Variants in NLN observed in about 807,000 individuals in gnomAD.
NLN encodes the protein neurolysin, mitochondrial.
In NLN, 64 loss-of-function variants were observed where a neutral mutation model predicts 79.9. The ratio of observed to expected loss-of-function variants is 0.80; its 90% CI spans 0.65 to 0.99. NLN has a LOEUF of 0.99. Among genes scored for constraint, NLN ranks in the 50% least tolerant of loss-of-function variants. The pLI is 0.00. For synonymous variants in NLN, 267 were observed against 296.6 expected (o/e 0.90, Z 1.02); for missense variants, 835 against 858.7 (o/e 0.97, Z 0.34).
chr5:65,810,135 T>C lies in NLN; in HGVS notation c.1813T>C (p.Ser605Pro), dbSNP rs1223618295. 25 of 1,613,940 alleles carry C rather than the reference T, an allele frequency of 1.5e-5. No homozygotes were observed. Among genetic ancestry groups the C allele is most frequent in the Non-Finnish European group, 2.0e-5 (24 of 1,179,820 alleles). Residue 605 changes from serine (S) to proline (P), a missense_variant, in exon 11 of 13, where the codon TCA becomes CCA. Transcript: ENST00000380985. ...DAASEYAKYC[S>P]EILGVAATPG... ...TGCAAGTGAATATGCCAAATACTGC[T>C]CAGAAATATTAGGAGTTGCAGCTAC... is the stretch of plus-strand genomic sequence containing the variant.
chr5:65,800,763 C>A (rs939390650), intron 9 of NLN, among the ~76,000 whole-genome samples: 11 of 151,840 alleles, frequency 7.2e-5, no homozygotes, highest in Non-Finnish European at 1.3e-4. Flanking sequence ...TGGCTCACTG[C>A]AGCCTCAGCC....
Position 65,782,496 on chromosome 5 carries a change from T to C in NLN, c.822+1075T>C, listed in dbSNP as rs1197188719. Reference sequence around the variant, plus strand: ...ACTTGCCAAATCTTATATACTGTCTTCTGAATTTATCCATCTCACTCTTCC... The same window carrying C: ...ACTTGCCAAATCTTATATACTGTCTCCTGAATTTATCCATCTCACTCTTCC... On this transcript the variant is annotated intron_variant, in intron 6 of 12. Transcript: ENST00000380985. 2.6e-5 allele frequency among the ~76,000 whole-genome samples: 4 copies of C among 152,228 alleles called. No individual in the cohort carries two copies. In the South Asian group the frequency reaches 8.3e-4, roughly 32 times the overall value.
At chr5:65,779,041 G>A (rs572411949) in intron 4 of NLN, among the ~76,000 whole-genome samples, 1 of 152,268 alleles carries the variant, frequency 6.6e-6, no homozygotes, top group South Asian at 2.1e-4. Context: ...TGAACTACAT[G>A]GGCGCTGCAA....
chr5:65,726,589 T>C (rs1049407792), intron 1 of NLN, among the ~76,000 whole-genome samples: 5 of 152,206 alleles, frequency 3.3e-5, no homozygotes, highest in African/African-American at 1.2e-4. Flanking sequence ...ACCTTTAAGG[T>C]TTGTGGACTA....
At chr5:65,794,380 G>A (rs928506601) in intron 9 of NLN, among the ~76,000 whole-genome samples, 3 of 152,148 alleles carry the variant, frequency 2.0e-5, no homozygotes, top group Admixed American at 2.0e-4. Context: ...GGAGGCCAAG[G>A]GCGGCAGATC....
rs770869491 is a variant in NLN, at chr5:65,780,253, C to T, written c.633C>T (p.Thr211=). ...DFNKNLNEDD[T]FLVFSKAELG... is the part of the protein sequence containing the mutation. ...ACAAAAACCTCAATGAGGATGATACCTTCCTTGTATTTTCCAAGGCTGAAC... is the reference window on the plus strand; with the variant it reads ...ACAAAAACCTCAATGAGGATGATACTTTCCTTGTATTTTCCAAGGCTGAAC... The change falls in exon 5 of 13, where the codon ACC becomes ACT. Residue 211 remains threonine, a synonymous_variant. Transcript: ENST00000380985. The T allele has an allele frequency of 1.3e-5, 19 of 1,454,924 alleles. No homozygotes were observed. Among genetic ancestry groups the T allele is most frequent in the Non-Finnish European group, 1.7e-5 (18 of 1,051,080 alleles). The allele number at this position is 1,454,924 out of a possible 1,614,324, so 90.1% of individuals were successfully genotyped here. A position where few individuals can be genotyped will look rare whatever the true frequency, so the allele number is the denominator to read the frequency against.
chr5:65,736,316 C>T (rs1488431448), intron 1 of NLN, among the ~76,000 whole-genome samples: 2 of 152,118 alleles, frequency 1.3e-5, no homozygotes, highest in Non-Finnish European at 2.9e-5. Context: ...CAAAAATTTA[C>T]TTTTTATTTT....
At chr5:65,789,159 C>T (rs770758914) in intron 8 of NLN, among the ~76,000 whole-genome samples, 1 of 152,126 alleles carries the variant, frequency 6.6e-6, no homozygotes. Context: ...AAAAAAGACT[C>T]TACTCTTCCA....
In NLN at chr5:65,777,474, G is replaced by T; in HGVS notation, c.498G>T (p.Leu166Phe). Reference sequence around the variant, plus strand: ...TAAAACCTGAGGCCAGACGATACTTGGAAAAGTCAATTAAAATGGGGAAAA... The same window carrying T: ...TAAAACCTGAGGCCAGACGATACTTTGAAAAGTCAATTAAAATGGGGAAAA... The part of the protein sequence containing the change: ...GKIKPEARRY[L>F]EKSIKMGKRN... The change falls in exon 4 of 13, where the codon TTG becomes TTT. Residue 166 changes from leucine (L) to phenylalanine (F), a missense_variant. By Grantham distance (22) the Leu-to-Phe change is conservative. Transcript: ENST00000380985. 6.2e-7 allele frequency: 1 copy of T among 1,613,332 alleles called. No individual in the cohort carries two copies. The highest frequency in any genetic ancestry group is 8.5e-7 in the Non-Finnish European group (1 of 1,179,510).
At chr5:65,782,318 G>A (rs986930811) in intron 6 of NLN, among the ~76,000 whole-genome samples, 7 of 152,130 alleles carry the variant, frequency 4.6e-5, no homozygotes, top group Non-Finnish European at 1.0e-4. Flanking sequence ...GGTTGCTTTA[G>A]GGATCAAATA....
chr5:65,730,562 A>G (rs2548777), intron 1 of NLN, among the ~76,000 whole-genome samples: 35,176 of 123,944 alleles, frequency 0.28, 4,202 homozygotes, highest in African/African-American at 0.32. Flanking sequence ...TTTTTGTTTT[A>G]TTCGTTTGTT....
At chr5:65,743,722 A>T (rs1294114235) in intron 1 of NLN, among the ~76,000 whole-genome samples, 3 of 152,234 alleles carry the variant, frequency 2.0e-5, no homozygotes, top group Non-Finnish European at 4.4e-5. Context: ...ACTGTCTTTA[A>T]GCCCCAACCT....
At chr5:65,776,322 A>C (rs569205237) in intron 3 of NLN, among the ~76,000 whole-genome samples, 24 of 152,350 alleles carry the variant, frequency 1.6e-4, no homozygotes, top group Non-Finnish European at 3.4e-4. Context: ...TATTTAGTTA[A>C]AATACAACTC....
intron 3 of NLN, among the ~76,000 whole-genome samples, chr5:65,776,587 G>A (rs866400920): frequency 6.6e-6 from 1 of 152,310 alleles, no homozygotes; most frequent in South Asian, 2.1e-4. Flanking sequence ...TACACCTGCT[G>A]AATCTGTCCA....
intron 5 of NLN, among the ~76,000 whole-genome samples, chr5:65,780,575 C>A (rs952060253): frequency 9.9e-5 from 15 of 151,580 alleles, no homozygotes; most frequent in Non-Finnish European, 1.9e-4. Flanking sequence ...TTGTGTTTAA[C>A]AGCCTTCAGT....
At chr5:65,740,211 C>T (rs931413379) in intron 1 of NLN, among the ~76,000 whole-genome samples, 1 of 152,064 alleles carries the variant, frequency 6.6e-6, no homozygotes, top group African/African-American at 2.4e-5. Context: ...AGTGCAAGGT[C>T]GAGGGTCTTC....
In NLN at chr5:65,812,286, G is replaced by A; in HGVS notation, c.1875G>A (p.Leu625=). The stretch of plus-strand genomic sequence containing the variant: ...ATATGCCAGCTACCTTTGGACATTT[G>A]GCAGGGGGATACGATGGCCAATATT... The part of the protein sequence containing the change: ...GTNMPATFGH[L]AGGYDGQYYG... Residue 625 remains leucine, a synonymous_variant, in exon 12 of 13, where the codon TTG becomes TTA. Coordinates refer to ENST00000380985, the MANE Select transcript of NLN (RefSeq NM_020726.5). 1 of 1,612,924 alleles carries A rather than the reference G, an allele frequency of 6.2e-7. No homozygotes were observed. Among genetic ancestry groups the A allele is most frequent in the Non-Finnish European group, 8.5e-7 (1 of 1,179,018 alleles).
chr5:65,728,267 A>G (rs1301175696), intron 1 of NLN, among the ~76,000 whole-genome samples: 1 of 152,124 alleles, frequency 6.6e-6, no homozygotes, highest in Non-Finnish European at 1.5e-5. Flanking sequence ...TTATTCTTTT[A>G]TAATTTTTAA....
At chr5:65,784,186 T>C (rs1250864614) in intron 6 of NLN, among the ~76,000 whole-genome samples, 1 of 152,192 alleles carries the variant, frequency 6.6e-6, no homozygotes, top group African/African-American at 2.4e-5. Flanking sequence ...AATTTGCTGA[T>C]TTGATTATTG....
Sources: allele counts gnomAD v4.1 joint callset (sites outside exome capture counted in the v4.1 genomes callset), GRCh38; gene constraint gnomAD v4.1.1; transcripts MANE v1.5; gene names NCBI Gene and HGNC (gene_info 2026-07-23, HGNC 2026-07-21).